The following CDC73 variants were observed in gnomAD, a reference collection of about 807,000 sequenced individuals.
CDC73 encodes the protein parafibromin.
Under a neutral mutation model 83.7 loss-of-function variants are expected in CDC73, and 21 were observed. That is an observed-to-expected ratio of 0.25 (90% CI 0.18 to 0.36). The LOEUF (loss-of-function observed/expected upper bound fraction) is 0.36, where lower values mean the gene tolerates loss of function less well. CDC73 is among the 10% of genes least tolerant of loss of function. The pLI, the probability that CDC73 is intolerant of heterozygous loss-of-function variation, is 1.00. For missense variants in CDC73, 342 were observed against 653.3 expected (o/e 0.52, Z 5.19); for synonymous variants, 224 against 212.9 (o/e 1.05, Z -0.45).
chr1:193,125,604 T>A (rs1675554871), intron 2 of CDC73, among the ~76,000 whole-genome samples: 1 of 151,568 alleles, frequency 6.6e-6, no homozygotes, highest in African/African-American at 2.4e-5. Flanking sequence ...TGAGATAGGA[T>A]CTGGCTCTGT....
At chr1:193,145,675 T>C (rs968315546) in intron 7 of CDC73, among the ~76,000 whole-genome samples, 4 of 152,212 alleles carry the variant, frequency 2.6e-5, no homozygotes, top group East Asian at 1.9e-4. Flanking sequence ...TAAAGCTCTT[T>C]GGGGTGCTCA....
rs777550706 is a variant in CDC73 at position 193,135,514 on chromosome 1, ATTTAC to A, written c.371-20_371-16del. ...AAGCCCATTCCAAAACTACACATTT[ATTTAC>A]TTCTCTTTCTTTTATAGTCAAACGA... On this transcript the variant is annotated intron_variant, in intron 4 of 16. Transcript: ENST00000367435. 3 of 1,612,660 alleles carry A rather than the reference ATTTAC, an allele frequency of 1.9e-6. No individual in the cohort carries two copies. Among genetic ancestry groups the A allele is most frequent in the Non-Finnish European group, 2.5e-6 (3 of 1,178,844 alleles).
At chr1:193,131,845 G>C (rs184354720) in intron 3 of CDC73, among the ~76,000 whole-genome samples, 1 of 152,216 alleles carries the variant, frequency 6.6e-6, no homozygotes. Context: ...CGAAAATATA[G>C]TATTCCTTTC....
At position 193,253,779 on chromosome 1, in the gene CDC73, A is replaced by G; in HGVS notation, c.*3067A>G. On this transcript the variant is annotated 3_prime_UTR_variant, in exon 17 of 17. Coordinates refer to ENST00000367435, the MANE Select transcript of CDC73 (RefSeq NM_024529.5). Reference sequence around the variant, plus strand: ...TTTGCTTATGAAAGGAAAGTGGCATACTTTTAAATTGGTCTACACAGAAAA... The same window carrying G: ...TTTGCTTATGAAAGGAAAGTGGCATGCTTTTAAATTGGTCTACACAGAAAA... 2 of 230,740 alleles carry G rather than the reference A, an allele frequency of 8.7e-6. No homozygotes were observed. The highest frequency in any genetic ancestry group is 8.6e-6 in the Non-Finnish European group (1 of 116,548). 14.3% of individuals were successfully genotyped at this position (230,740 alleles called of 1,614,324 possible).
chr1:193,204,584 C>T (rs182619771), intron 11 of CDC73, among the ~76,000 whole-genome samples: 362 of 151,706 alleles, frequency 2.4e-3, no homozygotes, highest in Middle Eastern at 0.014. Flanking sequence ...CCACTGTGCC[C>T]GGCTGATATT....
At chr1:193,138,362 T>G (rs1675838613) in intron 6 of CDC73, among the ~76,000 whole-genome samples, 189 bp downstream of exon 6, 2 of 152,226 alleles carry the variant, frequency 1.3e-5, no homozygotes, top group South Asian at 2.1e-4. Flanking sequence ...TTTTGAAAAG[T>G]CTTCTTGTTT....
At chr1:193,248,803 C>T (rs1483528589) in intron 15 of CDC73, among the ~76,000 whole-genome samples, 1 of 152,030 alleles carries the variant, frequency 6.6e-6, no homozygotes, top group Non-Finnish European at 1.5e-5. Context: ...TGAATTGCTG[C>T]ACACTCATGC....
chr1:193,248,194 G>A (rs747365953), intron 15 of CDC73, among the ~76,000 whole-genome samples: 5 of 151,950 alleles, frequency 3.3e-5, no homozygotes, highest in Admixed American at 6.6e-5. Flanking sequence ...TCCTAGGGCC[G>A]CTAGGAATTA....
At chr1:193,126,159 G>C (rs1675569594) in intron 2 of CDC73, among the ~76,000 whole-genome samples, 1 of 152,202 alleles carries the variant, frequency 6.6e-6, no homozygotes, top group Admixed American at 6.5e-5. Context: ...TTGTAAGCCT[G>C]TGGAAGGACC....
intron 16 of CDC73, 21 bp from the exon 17 acceptor site, chr1:193,250,655 C>A (rs763728248): frequency 1.3e-6 from 2 of 1,570,564 alleles, no homozygotes; most frequent in Non-Finnish European, 8.8e-7. Context: ...TCATTATAAC[C>A]TACCATAATA....
chr1:193,150,148 G>A (rs531704258), intron 8 of CDC73, among the ~76,000 whole-genome samples, 156 bp from the exon 9 acceptor site: 1 of 152,132 alleles, frequency 6.6e-6, no homozygotes, highest in East Asian at 1.9e-4. Flanking sequence ...GTGCATGCCT[G>A]TGGTCCCAGC....
At chr1:193,170,768 C>G (rs2103149699) in intron 10 of CDC73, among the ~76,000 whole-genome samples, 1 of 152,272 alleles carries the variant, frequency 6.6e-6, no homozygotes, top group African/African-American at 2.4e-5. Flanking sequence ...TGTGCAGAAT[C>G]TCTTTTGCTT....
At chr1:193,140,280 A>C (rs1208909789) in intron 6 of CDC73, among the ~76,000 whole-genome samples, 3 of 152,148 alleles carry the variant, frequency 2.0e-5, no homozygotes, top group African/African-American at 7.2e-5. Flanking sequence ...TGGTTATTTA[A>C]AGGCTGGAGG....
chr1:193,169,524 G>A (rs984132298), intron 10 of CDC73, among the ~76,000 whole-genome samples: 7 of 152,036 alleles, frequency 4.6e-5, no homozygotes, highest in Admixed American at 1.3e-4. Flanking sequence ...CAGCCTGGGC[G>A]ACATAGCAAG....
intron 15 of CDC73, among the ~76,000 whole-genome samples, chr1:193,244,068 G>A (rs940706729): frequency 1.3e-5 from 2 of 152,116 alleles, no homozygotes; most frequent in African/African-American, 4.8e-5. Context: ...AAAATTGGGG[G>A]GAAAAAGCTT....
At chr1:193,140,131 C>G (rs1176257361) in intron 6 of CDC73, among the ~76,000 whole-genome samples, 1 of 152,152 alleles carries the variant, frequency 6.6e-6, no homozygotes, top group African/African-American at 2.4e-5. Context: ...CCTCCCAAGG[C>G]CATGTCTTGG....
chr1:193,202,007 G>A (rs900282600), intron 10 of CDC73, among the ~76,000 whole-genome samples: 3 of 152,060 alleles, frequency 2.0e-5, no homozygotes, highest in Non-Finnish European at 4.4e-5. Flanking sequence ...CTGCATATAT[G>A]CCTGCTCATT....
chr1:193,210,884 A>AG (rs1677266204), intron 11 of CDC73, among the ~76,000 whole-genome samples: 3 of 152,080 alleles, frequency 2.0e-5, no homozygotes, highest in Non-Finnish European at 4.4e-5. Flanking sequence ...TTTAAAAGAA[A>AG]GAAAAAAAAA....
In CDC73 at chr1:193,122,047, C is replaced by G; in HGVS notation, c.-154C>G. The G allele has an allele frequency of 1.4e-6, 1 of 698,224 alleles. No individual in the cohort carries two copies. Among genetic ancestry groups the G allele is most frequent in the South Asian group, 1.7e-5 (1 of 59,316 alleles). 43.3% of individuals were successfully genotyped at this position (698,224 alleles called of 1,614,324 possible). ...GCCTGGGTGGCTACTGCCCCTGCTG[C>G]TGTCGTAGGCGAGGACGGCTGTTAG... On this transcript the variant is annotated 5_prime_UTR_variant, in exon 1 of 17. Transcript: ENST00000367435.
Sources: allele counts gnomAD v4.1 joint callset (sites outside exome capture counted in the v4.1 genomes callset), GRCh38; gene constraint gnomAD v4.1.1; transcripts MANE v1.5; gene names NCBI Gene and HGNC (gene_info 2026-07-23, HGNC 2026-07-21).